The following PDE8A variants were observed in gnomAD, a reference collection of about 807,000 sequenced individuals.
PDE8A encodes phosphodiesterase 8A, also known as high affinity cAMP-specific and IBMX-insensitive 3',5'-cyclic phosphodiesterase 8A.
Under a neutral mutation model 105.0 loss-of-function variants are expected in PDE8A, and 59 were observed. The observed-to-expected ratio is 0.56, with a 90% confidence interval of 0.46 to 0.70. The LOEUF (loss-of-function observed/expected upper bound fraction) is 0.70. PDE8A is among the 30% of genes least tolerant of loss of function. PDE8A has a pLI of 0.00. For missense variants in PDE8A, 1,014 were observed against 1,045.9 expected, an observed-to-expected ratio of 0.97 and a Z score of 0.42; for synonymous variants, 355 against 371.9, an observed-to-expected ratio of 0.95 and a Z score of 0.52.
At chr15:85,009,741 T>C (rs866432038) in intron 1 of PDE8A, among the ~76,000 whole-genome samples, 12 of 152,360 alleles carry the variant, frequency 7.9e-5, no homozygotes, top group Middle Eastern at 3.4e-3. Flanking sequence ...TTACTGAAGT[T>C]GAAAATATGC....
intron 1 of PDE8A, among the ~76,000 whole-genome samples, chr15:85,028,268 G>A (rs1043567934): frequency 6.6e-6 from 1 of 152,220 alleles, no homozygotes; most frequent in Non-Finnish European, 1.5e-5. Context: ...AGGCTGGAGT[G>A]TAGTGGTGTG....
At chr15:85,082,464 G>C (rs2081482611) in intron 5 of PDE8A, among the ~76,000 whole-genome samples, 1 of 152,084 alleles carries the variant, frequency 6.6e-6, no homozygotes, top group South Asian at 2.1e-4. Flanking sequence ...ACAGGCTCAG[G>C]AATGTTAGGT....
chr15:85,103,057 C>T (rs113715684), intron 11 of PDE8A, among the ~76,000 whole-genome samples: 10,377 of 151,776 alleles, frequency 0.068, 493 homozygotes, highest in Middle Eastern at 0.1. Flanking sequence ...CCTGTCTGTA[C>T]CAAACATACA....
chr15:85,042,906 C>T (rs189181413), intron 1 of PDE8A, among the ~76,000 whole-genome samples: 5 of 152,294 alleles, frequency 3.3e-5, no homozygotes, highest in African/African-American at 4.8e-5. Context: ...CTCCAGAATA[C>T]GGGTTATGGG....
intron 9 of PDE8A, chr15:85,099,736 A>C (rs2081826350): frequency 2.3e-6 from 1 of 427,188 alleles, no homozygotes; most frequent in South Asian, 4.0e-5. Flanking sequence ...CAGTTGGTTA[A>C]CATGCAGTTC....
chr15:85,065,570 A>G (rs1264773255), intron 2 of PDE8A, among the ~76,000 whole-genome samples: 1 of 152,064 alleles, frequency 6.6e-6, no homozygotes, highest in African/African-American at 2.4e-5. Context: ...TCACTATTAC[A>G]TTTAAAAATA....
At chr15:85,034,884 G>T (rs561771746) in intron 1 of PDE8A, among the ~76,000 whole-genome samples, 32 of 152,202 alleles carry the variant, frequency 2.1e-4, no homozygotes, top group Non-Finnish European at 3.8e-4. Context: ...TTTCATGGGG[G>T]TTAAATAGAT....
At position 85,067,088 on chromosome 15, in the gene PDE8A, G is replaced by T; in HGVS notation, c.318G>T (p.Lys106Asn). The T allele has an allele frequency of 6.2e-7, 1 of 1,613,884 alleles. No homozygotes were observed. The highest frequency in any genetic ancestry group is 8.5e-7 in the Non-Finnish European group (1 of 1,179,770). Reference sequence around the variant, plus strand: ...GGGCATGTGAAAAAGCAGGGTTTAAGTGTACAGTTACCAAGGAGGCTCAGG... The same window carrying T: ...GGGCATGTGAAAAAGCAGGGTTTAATTGTACAGTTACCAAGGAGGCTCAGG... ...FCRACEKAGF[K>N]CTVTKEAQAV... Residue 106 changes from lysine to asparagine, a missense_variant, in exon 3 of 22, where the codon AAG (lysine) becomes AAT (asparagine). By Grantham distance (94) the Lys-to-Asn change is moderately conservative. Transcript: ENST00000394553.
At chr15:85,108,539 C>T (rs144473283) in intron 11 of PDE8A, among the ~76,000 whole-genome samples, 44 of 152,050 alleles carry the variant, frequency 2.9e-4, no homozygotes, top group African/African-American at 1.0e-3. Flanking sequence ...GTGTGTCCTT[C>T]GTAGAGAAGA....
intron 1 of PDE8A, among the ~76,000 whole-genome samples, chr15:84,994,977 G>C (rs1025491193): frequency 4.6e-5 from 7 of 151,224 alleles, no homozygotes; most frequent in African/African-American, 1.7e-4. Context: ...AAAAAAAAGA[G>C]AGAAAAAGCA....
At chr15:85,065,770 C>T (rs974859552) in intron 2 of PDE8A, among the ~76,000 whole-genome samples, 3 of 152,190 alleles carry the variant, frequency 2.0e-5, no homozygotes, top group African/African-American at 4.8e-5. Flanking sequence ...GGATGGAGCA[C>T]GGGTGCTCCT....
At chr15:85,129,600 C>G (rs897764251) in intron 20 of PDE8A, among the ~76,000 whole-genome samples, 1 of 152,088 alleles carries the variant, frequency 6.6e-6, no homozygotes, top group African/African-American at 2.4e-5. Flanking sequence ...TGGGTCTTGT[C>G]TTTTTTTCTT....
chr15:84,984,923 A>C (rs1293392347), intron 1 of PDE8A, among the ~76,000 whole-genome samples: 1 of 112,358 alleles, frequency 8.9e-6, no homozygotes, highest in Admixed American at 8.6e-5. Context: ...TCCAAAAGCC[A>C]AAAAAAAAAA....
Position 85,102,522 on chromosome 15 carries a change from ATT to A in PDE8A, c.1036+2336_1036+2337del, listed in dbSNP as rs35094470. 2.7e-5 allele frequency among the ~76,000 whole-genome samples: 4 copies of A among 146,284 alleles called. 1 individual carries two copies. Among genetic ancestry groups the A allele is most frequent in the South Asian group, 4.4e-4 (2 of 4,568 alleles). On this transcript the variant is annotated intron_variant, in intron 11 of 21. Transcript: ENST00000394553. ...AGGGGGCTTTTACTTGGTTGTAAGC[ATT>A]TTTTTTTTTTTAACTCTTAAGAAGA...
intron 1 of PDE8A, among the ~76,000 whole-genome samples, chr15:85,060,517 A>G (rs558024676): frequency 2.8e-4 from 42 of 152,370 alleles, no homozygotes; most frequent in African/African-American, 9.9e-4. Flanking sequence ...ATTATAAGTA[A>G]GTAGAGACAA....
chr15:84,984,858 C>T (rs1379719217), intron 1 of PDE8A, among the ~76,000 whole-genome samples: 1 of 151,666 alleles, frequency 6.6e-6, no homozygotes, highest in Non-Finnish European at 1.5e-5. Flanking sequence ...TGGAGCATTT[C>T]AGAGTTTGGA....
Position 85,091,901 on chromosome 15 carries a change from C to CTTTTTTTTTTTTTTTTTT in PDE8A, c.852+723_852+740dup, listed in dbSNP as rs563631633. 1.8e-4 allele frequency among the ~76,000 whole-genome samples: 16 copies of CTTTTTTTTTTTTTTTTTT among 88,416 alleles called. 1 individual carries two copies. Among genetic ancestry groups the CTTTTTTTTTTTTTTTTTT allele is most frequent in the East Asian group, 1.0e-3 (3 of 2,858 alleles). The allele number at this position is 88,416 out of a possible 152,430, so 58.0% of individuals were successfully genotyped here. On this transcript the variant is annotated intron_variant, in intron 8 of 21. Coordinates refer to ENST00000394553, the MANE Select transcript of PDE8A (RefSeq NM_002605.3). ...ATCATTCATGGTCCTTTCTGCTGGACTTTTTTTTTTTTTTTTTTTTGCTTT... is the reference window on the plus strand; with the variant it reads ...ATCATTCATGGTCCTTTCTGCTGGACTTTTTTTTTTTTTTTTTTTTTTTTTTTTTTTTTTTTTTGCTTT...
At chr15:85,010,589 C>T (rs753789661) in intron 1 of PDE8A, among the ~76,000 whole-genome samples, 6 of 152,132 alleles carry the variant, frequency 3.9e-5, no homozygotes, top group South Asian at 2.1e-4. Flanking sequence ...AACTTGAGGA[C>T]GCTGGGCCTA....
At chr15:85,011,134 T>G (rs1300782489) in intron 1 of PDE8A, among the ~76,000 whole-genome samples, 2 of 152,224 alleles carry the variant, frequency 1.3e-5, no homozygotes, top group Admixed American at 1.3e-4. Context: ...TTGATTTTTC[T>G]CTGAACTTTA....
Sources: gnomAD v4.1 joint callset for allele counts (sites outside exome capture counted in the v4.1 genomes callset) on GRCh38, gnomAD v4.1.1 for gene constraint, MANE v1.5 for transcripts, NCBI Gene and HGNC (gene_info 2026-07-23, HGNC 2026-07-21) for gene names.